TNIP3: variants seen among roughly 807,000 people sequenced by gnomAD.
TNIP3 encodes TNFAIP3 interacting protein 3.
Under a neutral mutation model 54.1 loss-of-function variants are expected in TNIP3, and 34 were observed. The ratio of observed to expected loss-of-function variants is 0.63; its 90% CI spans 0.48 to 0.84. TNIP3 has a LOEUF of 0.84. Ranked by LOEUF, TNIP3 falls within the 40% of genes least tolerant of loss-of-function variation. The probability of loss-of-function intolerance (pLI) is 0.00; values close to 1 mark genes in which losing one functional copy is unlikely to be tolerated. For missense variants in TNIP3, 366 were observed against 387.6 expected, an observed-to-expected ratio of 0.94 and a Z score of 0.47; for synonymous variants, 134 against 136.8, an observed-to-expected ratio of 0.98 and a Z score of 0.14.
chr4:121,164,023 G>A (rs775084453), intron 1 of TNIP3, 37 bp downstream of exon 1: 2 of 1,611,354 alleles, frequency 1.2e-6, no homozygotes, highest in South Asian at 2.2e-5. Flanking sequence ...ATCAATGCTA[G>A]ATGTGATCAA....
chr4:121,209,666 G>A (rs984327014), intron 2 of TNIP3, among the ~76,000 whole-genome samples: 3 of 152,080 alleles, frequency 2.0e-5, no homozygotes, highest in Non-Finnish European at 2.9e-5. Flanking sequence ...ACACATATTT[G>A]TACCTCTGAA....
upstream of TNIP3, among the ~76,000 whole-genome samples, chr4:121,167,307 A>G (rs928014733): frequency 3.9e-5 from 6 of 152,196 alleles, no homozygotes; most frequent in African/African-American, 1.4e-4. Flanking sequence ...AATGAAGACC[A>G]GGAAATGAAT....
chr4:121,139,882 A>T (rs1227191651), intron 9 of TNIP3, among the ~76,000 whole-genome samples: 4 of 152,250 alleles, frequency 2.6e-5, no homozygotes, highest in Non-Finnish European at 5.9e-5. Context: ...AAGAGAAGGT[A>T]AATATCCTGT....
chr4:121,200,386 C>G (rs1017201218), intron 2 of TNIP3, among the ~76,000 whole-genome samples: 2 of 152,152 alleles, frequency 1.3e-5, no homozygotes, highest in African/African-American at 4.8e-5. Context: ...TTTATTTAGA[C>G]ACAATGTCTC....
upstream of TNIP3, among the ~76,000 whole-genome samples, chr4:121,216,932 C>G (rs72685960): frequency 0.011 from 1,616 of 152,152 alleles, 19 homozygotes; most frequent in South Asian, 0.03. Flanking sequence ...CTAGGAAGAC[C>G]GCTCATGCCA....
chr4:121,182,070 T>G (rs867402537), intron 3 of TNIP3, among the ~76,000 whole-genome samples: 1 of 152,142 alleles, frequency 6.6e-6, no homozygotes, highest in African/African-American at 2.4e-5. Context: ...TCATGAAAGA[T>G]AGTTTTTAAT....
intron 2 of TNIP3, chr4:121,182,837 A>C: frequency 6.5e-7 from 1 of 1,530,584 alleles, no homozygotes; most frequent in Non-Finnish European, 8.7e-7. Flanking sequence ...ATACAAAGGT[A>C]ATTAAAAATT....
intron 3 of TNIP3, among the ~76,000 whole-genome samples, chr4:121,180,109 A>G (rs1579449873): frequency 6.6e-6 from 1 of 152,064 alleles, no homozygotes. Context: ...AATTAATATT[A>G]TAGATGTCGG....
At chr4:121,182,607 C>A in intron 3 of TNIP3, 1 of 1,510,168 alleles carries the variant, frequency 6.6e-7, no homozygotes, top group Non-Finnish European at 8.8e-7. Context: ...ACTGTCTCCA[C>A]AAATTCTTCT....
chr4:121,138,090 A>C (rs571229935), intron 10 of TNIP3: 11 of 415,428 alleles, frequency 2.6e-5, no homozygotes, highest in Non-Finnish European at 5.3e-5. Flanking sequence ...TGAGTACTTC[A>C]TAAGTGACTT....
At chr4:121,208,315 C>T (rs988705927) in intron 2 of TNIP3, among the ~76,000 whole-genome samples, 3 of 152,176 alleles carry the variant, frequency 2.0e-5, no homozygotes, top group Non-Finnish European at 2.9e-5. Context: ...GATAACATCA[C>T]TATTGTAAAA....
At chr4:121,219,198 T>TACAA (rs113880656), upstream of TNIP3, among the ~76,000 whole-genome samples, 563 of 151,780 alleles carry the variant, frequency 3.7e-3, 1 homozygote, top group South Asian at 9.1e-3. Context: ...GAAACTCCAT[T>TACAA]ACAAACAAAC....
chr4:121,205,759 A>G (rs918990678), intron 2 of TNIP3, among the ~76,000 whole-genome samples: 3 of 152,164 alleles, frequency 2.0e-5, no homozygotes, highest in Admixed American at 6.5e-5. Context: ...CAGATTAAGA[A>G]ACTGGAAATA....
At chr4:121,175,536 A>G (rs1724261957) in intron 3 of TNIP3, among the ~76,000 whole-genome samples, 1 of 152,210 alleles carries the variant, frequency 6.6e-6, no homozygotes, top group Non-Finnish European at 1.5e-5. Flanking sequence ...TCACTAAGGC[A>G]GAGAGAATCC....
chr4:121,158,818 G>T (rs1200336942), intron 2 of TNIP3, 66 bp from the exon 3 acceptor site: 9 of 1,306,894 alleles, frequency 6.9e-6, no homozygotes, highest in African/African-American at 3.0e-5. Flanking sequence ...TGGTCAAAAA[G>T]AAATTACTTT....
chr4:121,134,453 G>A (rs772983633), intron 10 of TNIP3, among the ~76,000 whole-genome samples: 1 of 152,178 alleles, frequency 6.6e-6, no homozygotes, highest in Non-Finnish European at 1.5e-5. Flanking sequence ...AGATGAAAAT[G>A]TTCTTTGTAA....
intron 2 of TNIP3, among the ~76,000 whole-genome samples, chr4:121,214,629 C>T (rs979531918): frequency 2.6e-5 from 4 of 152,174 alleles, no homozygotes; most frequent in South Asian, 4.2e-4. Context: ...CTTGTCTACA[C>T]GGTGAAATTT....
chr4:121,157,391 C>G, intron 3 of TNIP3, 148 bp from the exon 4 acceptor site: 3 of 967,158 alleles, frequency 3.1e-6, no homozygotes, highest in Non-Finnish European at 4.7e-6. Flanking sequence ...GTCCCGAACA[C>G]AGATCGGGAT....
chr4:121,143,733 G>C (rs964418180), intron 7 of TNIP3, among the ~76,000 whole-genome samples: 2 of 152,174 alleles, frequency 1.3e-5, no homozygotes, highest in Non-Finnish European at 2.9e-5. Flanking sequence ...TTTGTTTCAT[G>C]TGTGTTTCTG....
Sources: gnomAD v4.1 joint callset for allele counts (sites outside exome capture counted in the v4.1 genomes callset) on GRCh38, gnomAD v4.1.1 for gene constraint, MANE v1.5 for transcripts, NCBI Gene and HGNC (gene_info 2026-07-23, HGNC 2026-07-21) for gene names.